The following CERS6 variants were observed in gnomAD, a reference collection of about 807,000 sequenced individuals.
The protein encoded by CERS6 is ceramide synthase 6, also known as LAG1 homolog, ceramide synthase 6.
Under a neutral mutation model 56.8 loss-of-function variants are expected in CERS6, and 26 were observed. The ratio of observed to expected loss-of-function variants is 0.46; its 90% confidence interval spans 0.34 to 0.63. The LOEUF is 0.63. Among genes scored for constraint, CERS6 ranks in the 30% least tolerant of loss-of-function variants. The pLI is 0.01. For synonymous variants in CERS6, 164 were observed against 173.3 expected (o/e 0.95, Z 0.42); for missense variants, 415 against 467.5 (o/e 0.89, Z 1.04).
At chr2:168,702,716 T>C (rs1347673038) in intron 6 of CERS6, among the ~76,000 whole-genome samples, 1 of 152,236 alleles carries the variant, frequency 6.6e-6, no homozygotes, top group Non-Finnish European at 1.5e-5. Flanking sequence ...TAGCAGAATA[T>C]AAAAAGTTTA....
At chr2:168,518,045 C>T (rs193141470) in intron 1 of CERS6, among the ~76,000 whole-genome samples, 4 of 152,228 alleles carry the variant, frequency 2.6e-5, no homozygotes, top group African/African-American at 9.6e-5. Context: ...AATACATAAC[C>T]GTTTTAAAGG....
intron 8 of CERS6, among the ~76,000 whole-genome samples, chr2:168,719,696 T>A (rs1687311598): frequency 6.6e-6 from 1 of 152,174 alleles, no homozygotes; most frequent in Non-Finnish European, 1.5e-5. Context: ...ATATCAGCAA[T>A]CCATGGTCCT....
At chr2:168,652,230 A>C (rs566148983) in intron 4 of CERS6, among the ~76,000 whole-genome samples, 52 of 152,264 alleles carry the variant, frequency 3.4e-4, no homozygotes, top group African/African-American at 1.1e-3. Context: ...AAGCTTCACT[A>C]ATTTCATAAT....
At chr2:168,558,784 G>GT (rs1275742499) in intron 2 of CERS6, among the ~76,000 whole-genome samples, 1 of 152,202 alleles carries the variant, frequency 6.6e-6, no homozygotes, top group Non-Finnish European at 1.5e-5. Context: ...CAGGAGAATG[G>GT]TGTGAACCCA....
intron 5 of CERS6, among the ~76,000 whole-genome samples, chr2:168,691,286 G>A (rs1220674141): frequency 6.6e-6 from 1 of 152,172 alleles, no homozygotes; most frequent in Non-Finnish European, 1.5e-5. Context: ...AGGCCCGATT[G>A]CCCTAGCAGA....
rs1687222196 is a variant in CERS6, at chr2:168,716,178, G to A, written c.738+1049G>A. Among the ~76,000 whole-genome samples the A allele has an allele frequency of 2.6e-5, 4 of 152,090 alleles. 1 individual carries two copies. The South Asian group carries it at 8.3e-4, about 31-fold the overall frequency. ...ACAGAAAAATAGTCCTAATGGGCTA[G>A]GTAAGTCCAACGATAATTTGTTGCT... On this transcript the variant is annotated intron_variant, in intron 7 of 9. Transcript: ENST00000305747.
At chr2:168,685,422 G>T (rs991320653) in intron 4 of CERS6, among the ~76,000 whole-genome samples, 3 of 152,126 alleles carry the variant, frequency 2.0e-5, no homozygotes, top group Non-Finnish European at 4.4e-5. Flanking sequence ...TGGTTAATCA[G>T]ATATCCTTTT....
intron 3 of CERS6, among the ~76,000 whole-genome samples, chr2:168,620,384 T>C (rs1206610070): frequency 6.6e-6 from 1 of 151,998 alleles, no homozygotes; most frequent in African/African-American, 2.4e-5. Flanking sequence ...AACTTACTCA[T>C]GTAACCAAAT....
chr2:168,667,006 A>C (rs1377832801), intron 4 of CERS6, among the ~76,000 whole-genome samples: 2 of 152,230 alleles, frequency 1.3e-5, no homozygotes, highest in African/African-American at 2.4e-5. Context: ...ATCTTTGTTA[A>C]TTCTCACCAA....
At chr2:168,621,718 A>T (rs1016949056) in intron 3 of CERS6, among the ~76,000 whole-genome samples, 1 of 152,190 alleles carries the variant, frequency 6.6e-6, no homozygotes, top group African/African-American at 2.4e-5. Context: ...GCTAGCTGTT[A>T]ATGGAGCCTA....
intron 8 of CERS6, among the ~76,000 whole-genome samples, chr2:168,734,680 G>C (rs1460821577): frequency 6.6e-6 from 1 of 152,188 alleles, no homozygotes; most frequent in Non-Finnish European, 1.5e-5. Flanking sequence ...TAAATTTGAA[G>C]AACAGTGATG....
chr2:168,485,169 T>C (rs1356034751), intron 1 of CERS6, among the ~76,000 whole-genome samples: 1 of 142,028 alleles, frequency 7.0e-6, no homozygotes, highest in Non-Finnish European at 1.5e-5. Context: ...CTGCCTTGCT[T>C]TTTTTTTTTT....
At chr2:168,674,009 C>A (rs1020813958) in intron 4 of CERS6, among the ~76,000 whole-genome samples, 4 of 152,108 alleles carry the variant, frequency 2.6e-5, no homozygotes, top group African/African-American at 9.7e-5. Context: ...AAATACAGAA[C>A]TGTTAATATG....
intron 9 of CERS6, 82 bp from the exon 10 acceptor site, chr2:168,769,428 G>T (rs1187536639): frequency 1.6e-6 from 2 of 1,266,650 alleles, no homozygotes; most frequent in East Asian, 5.3e-5. Flanking sequence ...TTCCCCTTGT[G>T]TATGACTGCA....
intron 1 of CERS6, among the ~76,000 whole-genome samples, chr2:168,517,541 T>C (rs1003470659): frequency 3.3e-5 from 5 of 150,648 alleles, no homozygotes; most frequent in African/African-American, 1.2e-4. Flanking sequence ...AAAATAAACA[T>C]TAAAAAAAAA....
intron 8 of CERS6, among the ~76,000 whole-genome samples, chr2:168,751,174 T>C (rs1327229924): frequency 6.6e-6 from 1 of 152,182 alleles, no homozygotes; most frequent in African/African-American, 2.4e-5. Flanking sequence ...GTTAAAAGAA[T>C]CTGCAGGCTA....
chr2:168,706,861 G>A (rs1472616495), intron 6 of CERS6, among the ~76,000 whole-genome samples: 2 of 152,142 alleles, frequency 1.3e-5, no homozygotes, highest in Non-Finnish European at 1.5e-5. Context: ...AAAGGACCAG[G>A]TAATAAATAT....
At chr2:168,729,065 T>G (rs979000309) in intron 8 of CERS6, among the ~76,000 whole-genome samples, 3 of 149,534 alleles carry the variant, frequency 2.0e-5, no homozygotes, top group African/African-American at 7.4e-5. Context: ...CTACACAGAA[T>G]TAATGTCTTA....
chr2:168,755,232 A>T (rs906334998), intron 8 of CERS6, among the ~76,000 whole-genome samples: 1 of 152,226 alleles, frequency 6.6e-6, no homozygotes, highest in Non-Finnish European at 1.5e-5. Flanking sequence ...ATTGTATCTG[A>T]TCTGCTAACT....
Sources: allele counts gnomAD v4.1 joint callset (sites outside exome capture counted in the v4.1 genomes callset), GRCh38; gene constraint gnomAD v4.1.1; transcripts MANE v1.5; gene names NCBI Gene and HGNC (gene_info 2026-07-23, HGNC 2026-07-21).